The following BMPER variants were observed in gnomAD, a reference collection of about 807,000 sequenced individuals.
BMPER encodes the protein BMP binding endothelial regulator.
In BMPER, 45 loss-of-function variants were observed where a neutral mutation model predicts 87.3. The ratio of observed to expected loss-of-function variants is 0.52; its 90% CI spans 0.41 to 0.66. BMPER has a LOEUF of 0.66. Ranked by LOEUF, BMPER falls within the 30% of genes least tolerant of loss-of-function variation. The pLI is 0.00. For missense variants in BMPER, 784 were observed against 867.5 expected (o/e 0.90, Z 1.21); for synonymous variants, 326 against 316.2 (o/e 1.03, Z -0.33).
intron 11 of BMPER, among the ~76,000 whole-genome samples, chr7:34,072,994 C>T (rs984772076): frequency 1.3e-5 from 2 of 152,066 alleles, no homozygotes; most frequent in Non-Finnish European, 1.5e-5. Context: ...ATTCTGAGAG[C>T]ATTCATTAAT....
intron 5 of BMPER, 150 bp from the exon 6 acceptor site, chr7:33,974,552 C>T: frequency 6.2e-6 from 5 of 801,864 alleles, no homozygotes; most frequent in African/African-American, 3.4e-5. Flanking sequence ...CTGTTTTTTT[C>T]TTTTCACTAT....
At chr7:34,132,224 G>A (rs923026670) in intron 13 of BMPER, among the ~76,000 whole-genome samples, 4 of 152,132 alleles carry the variant, frequency 2.6e-5, no homozygotes, top group Non-Finnish European at 5.9e-5. Context: ...GAAGGCATTT[G>A]CTCTCAAGTG....
At chr7:34,022,851 A>G (rs1005102726) in intron 6 of BMPER, among the ~76,000 whole-genome samples, 1 of 151,952 alleles carries the variant, frequency 6.6e-6, no homozygotes, top group East Asian at 1.9e-4. Flanking sequence ...CTCCAGGGTG[A>G]TGCTATGACG....
At position 33,905,649 on chromosome 7, in the gene BMPER, G is replaced by A; in HGVS notation, c.36G>A (p.Glu12=). The part of the protein sequence containing the change: ...LWFSGVGALA[E]RYCRRSPGIT... ...TCTCCGGCGTCGGGGCTCTGGCTGA[G>A]CGTTACTGCCGCCGCTCGCCTGGGA... Residue 12 remains glutamate (E), a synonymous_variant, in exon 1 of 15, where the codon GAG becomes GAA. Coordinates refer to ENST00000649409, the MANE Select transcript of BMPER (RefSeq NM_001365308.1). 1.2e-6 allele frequency: 2 copies of A among 1,613,360 alleles called. No homozygotes were observed. The highest frequency in any genetic ancestry group is 1.7e-5 in the Admixed American group (1 of 60,012).
chr7:34,003,200 C>T (rs959947330), intron 6 of BMPER, among the ~76,000 whole-genome samples: 4 of 151,424 alleles, frequency 2.6e-5, no homozygotes, highest in Admixed American at 1.3e-4. Context: ...CACATATATA[C>T]ACACACACAC....
chr7:34,009,334 T>G (rs527617851), intron 6 of BMPER, among the ~76,000 whole-genome samples: 1 of 152,076 alleles, frequency 6.6e-6, no homozygotes, highest in South Asian at 2.1e-4. Context: ...TTCTGAACTA[T>G]TAGGGGCCAC....
At chr7:34,111,734 AT>A (rs570539411) in intron 13 of BMPER, among the ~76,000 whole-genome samples, 75 of 152,272 alleles carry the variant, frequency 4.9e-4, no homozygotes, top group African/African-American at 1.6e-3. Context: ...TTATTTTGAG[AT>A]GGAGTTTCAC....
chr7:33,945,567 A>G (rs1784873530), intron 3 of BMPER, among the ~76,000 whole-genome samples: 1 of 151,984 alleles, frequency 6.6e-6, no homozygotes. Flanking sequence ...TACTGCTTTT[A>G]TCTACCAAGA....
intron 11 of BMPER, among the ~76,000 whole-genome samples, chr7:34,069,381 T>C (rs1232169196): frequency 6.6e-6 from 1 of 152,230 alleles, no homozygotes; most frequent in East Asian, 1.9e-4. Flanking sequence ...CAACAAAAAT[T>C]GCTACTTCTG....
In BMPER at chr7:34,054,386, G is replaced by C. The variant is rs192002253; in HGVS notation, c.787-777G>C. ...CCCTTGTTTTTAAACAAGAAATCAA[G>C]ATATGCAGTTTGACAAAGGATTTTT... On this transcript the variant is annotated intron_variant, in intron 8 of 14. Transcript: ENST00000649409. Among the ~76,000 whole-genome samples the C allele has an allele frequency of 7.6e-3, 1,153 of 152,254 alleles. 13 individuals are homozygous for C. The highest frequency in any genetic ancestry group is 0.023 in the African/African-American group (973 of 41,532).
At chr7:34,088,513 G>T (rs1050533355) in intron 13 of BMPER, among the ~76,000 whole-genome samples, 2 of 152,196 alleles carry the variant, frequency 1.3e-5, no homozygotes, top group African/African-American at 2.4e-5. Flanking sequence ...GTTTGTAGGA[G>T]ACTTTATGGA....
At chr7:34,136,403 C>T (rs760318425) in intron 13 of BMPER, among the ~76,000 whole-genome samples, 97 of 152,188 alleles carry the variant, frequency 6.4e-4, no homozygotes, top group Non-Finnish European at 1.2e-3. Flanking sequence ...ATGGATGTGC[C>T]TTCCTACCTT....
chr7:33,939,585 C>T (rs1016470978), intron 3 of BMPER, among the ~76,000 whole-genome samples: 9 of 152,150 alleles, frequency 5.9e-5, no homozygotes, highest in Non-Finnish European at 1.2e-4. Flanking sequence ...AAGGGAGAGA[C>T]CAGGTGGAGG....
At chr7:34,004,516 A>G (rs1427818985) in intron 6 of BMPER, among the ~76,000 whole-genome samples, 1 of 152,124 alleles carries the variant, frequency 6.6e-6, no homozygotes, top group Non-Finnish European at 1.5e-5. Context: ...TGATAACATA[A>G]TATAGCAAGT....
chr7:33,920,244 G>A (rs989017847), intron 2 of BMPER, among the ~76,000 whole-genome samples: 1 of 151,910 alleles, frequency 6.6e-6, no homozygotes, highest in Non-Finnish European at 1.5e-5. Context: ...TTAGAATTTT[G>A]CCTTTAGTTT....
intron 6 of BMPER, among the ~76,000 whole-genome samples, chr7:34,018,625 G>C (rs553344080): frequency 5.9e-5 from 9 of 151,982 alleles, no homozygotes; most frequent in African/African-American, 2.2e-4. Context: ...CTTGGTGAAT[G>C]CTTCGAGTTT....
Position 33,927,074 on chromosome 7 carries a change from T to C in BMPER, c.220-10215T>C, listed in dbSNP as rs555638851. Among the ~76,000 whole-genome samples the C allele has an allele frequency of 1.6e-4, 25 of 152,330 alleles. No individual in the cohort carries two copies. The South Asian group carries it at 5.0e-3, about 30-fold the overall frequency. On this transcript the variant is annotated intron_variant, in intron 2 of 14. Coordinates refer to ENST00000649409, the MANE Select transcript of BMPER (RefSeq NM_001365308.1). ...TCAATTGTGCAGATGTCTTTAAGAG[T>C]GTCTCACTGGTGACCAGAAAGTTAC...
intron 2 of BMPER, among the ~76,000 whole-genome samples, chr7:33,924,867 GC>G (rs1278067258): frequency 6.6e-6 from 1 of 152,120 alleles, no homozygotes; most frequent in Non-Finnish European, 1.5e-5. Context: ...TCACCATGTT[GC>G]CCAGGCTGGT....
chr7:34,109,858 G>T (rs1375242810), intron 13 of BMPER, among the ~76,000 whole-genome samples: 1 of 152,150 alleles, frequency 6.6e-6, no homozygotes, highest in Non-Finnish European at 1.5e-5. Context: ...AGTACCAATG[G>T]GTTAGTTCTA....
Sources: gnomAD v4.1 joint callset for allele counts (sites outside exome capture counted in the v4.1 genomes callset) on GRCh38, gnomAD v4.1.1 for gene constraint, MANE v1.5 for transcripts, NCBI Gene and HGNC (gene_info 2026-07-23, HGNC 2026-07-21) for gene names.